NRGN: variants seen among roughly 807,000 people sequenced by gnomAD.
NRGN encodes the protein calmodulin-binding protein.
For missense variants in NRGN, 82 were observed against 123.0 expected (o/e 0.67, Z 1.58); for synonymous variants, 47 against 52.8 (o/e 0.89, Z 0.47).
rs1364959318 is a variant in NRGN, at chr11:124,740,247, G to A, written c.15+148G>A. 3.5e-6 allele frequency: 2 copies of A among 574,150 alleles called. No homozygotes were observed. Among genetic ancestry groups the A allele is most frequent in the Non-Finnish European group, 5.3e-6 (2 of 380,098 alleles). The allele number at this position is 574,150 out of a possible 1,614,324, so 35.6% of individuals were successfully genotyped here. On this transcript the variant is annotated intron_variant, in intron 1 of 3. Transcript: ENST00000284292. This position sits in a 1 kb window ranked among gnomAD's most constrained non-coding sequence, Gnocchi z 7.5. ...AGGGGTCCTTGCCGAGACGTGGGTG[G>A]TGGATGGTGGAAGGCGCCCGCCCGA...
rs1943956371 is a variant in NRGN at position 124,740,184 on chromosome 11, A to G, written c.15+85A>G. The G allele has an allele frequency of 4.1e-6, 4 of 982,258 alleles. No individual in the cohort carries two copies. The highest frequency in any genetic ancestry group is 5.4e-6 in the Non-Finnish European group (4 of 738,662). The allele number at this position is 982,258 out of a possible 1,614,324, so 60.8% of individuals were successfully genotyped here. A position where few individuals can be genotyped will look rare whatever the true frequency, so the allele number is the denominator to read the frequency against. ...GAAAGCCCTGGAGGGCGAGAGAGGG[A>G]TGGAAGTGGATGCGGAAGACCTAGG... On this transcript the variant is annotated intron_variant, in intron 1 of 3. Coordinates refer to ENST00000284292, the MANE Select transcript of NRGN (RefSeq NM_006176.3). The surrounding 1 kb of genome is among the most constrained non-coding windows in gnomAD (Gnocchi z 7.5).
At position 124,746,893 on chromosome 11, in the gene NRGN, A is replaced by T. The variant is rs867468813; in HGVS notation, c.*513A>T. On this transcript the variant is annotated 3_prime_UTR_variant, in exon 4 of 4. Transcript: ENST00000284292. ...GGATCCGGGGCGAGATGAAGGGAAGAGGGTTGTTTTGGTTTCGGACGACCC... is the reference window on the plus strand; with the variant it reads ...GGATCCGGGGCGAGATGAAGGGAAGTGGGTTGTTTTGGTTTCGGACGACCC... The T allele has an allele frequency of 9.8e-5, 15 of 152,814 alleles. No homozygotes were observed. Among genetic ancestry groups the T allele is most frequent in the African/African-American group, 3.1e-4 (13 of 41,576 alleles). The allele number at this position is 152,814 out of a possible 1,614,324, so 9.5% of individuals were successfully genotyped here.
In NRGN at chr11:124,740,012, ACCCGGCACCACACAGACCCCACCCCCG is replaced by A; in HGVS notation, c.-69_-43del. ...GGCGGCCGACTGCCCCAGAGCCCCC[ACCCGGCACCACACAGACCCCACCCCCG>A]CCCTGCGCCAGCCTTCGTCCCCGCA... On this transcript the variant is annotated 5_prime_UTR_variant, in exon 1 of 4. Transcript: ENST00000284292. This position sits in a 1 kb window ranked among gnomAD's most constrained non-coding sequence, Gnocchi z 7.5. 1 of 653,964 alleles carries A rather than the reference ACCCGGCACCACACAGACCCCACCCCCG, an allele frequency of 1.5e-6. No individual in the cohort carries two copies. The highest frequency in any genetic ancestry group is 2.3e-6 in the Non-Finnish European group (1 of 430,992). 40.5% of individuals were successfully genotyped at this position (653,964 alleles called of 1,614,324 possible).
In NRGN at chr11:124,739,982, C is replaced by A; in HGVS notation, c.-103C>A. 1 of 505,918 alleles carries A rather than the reference C, an allele frequency of 2.0e-6. No homozygotes were observed. The highest frequency in any genetic ancestry group is 4.7e-5 in the South Asian group (1 of 21,334). 31.3% of individuals were successfully genotyped at this position (505,918 alleles called of 1,614,324 possible). ...GCAGAGCTGCTGTTTCGGCGCGGGT[C>A]GGCTGGCGGCCGACTGCCCCAGAGC... On this transcript the variant is annotated 5_prime_UTR_variant, in exon 1 of 4. Coordinates refer to ENST00000284292, the MANE Select transcript of NRGN (RefSeq NM_006176.3).
At chr11:124,742,675 T>C (rs186247988) in intron 1 of NRGN, among the ~76,000 whole-genome samples, 17 of 152,306 alleles carry the variant, frequency 1.1e-4, no homozygotes, top group Admixed American at 1.1e-3. Context: ...CTTCACTATT[T>C]GTCAACTGAG....
Position 124,740,136 on chromosome 11 carries a change from G to T in NRGN, c.15+37G>T. ...GGCCCGGGGGAGGGGCACTTGGCGGGGTCCGCTGCGAGAGGCGCCTGAGAA... is the reference window on the plus strand; with the variant it reads ...GGCCCGGGGGAGGGGCACTTGGCGGTGTCCGCTGCGAGAGGCGCCTGAGAA... On this transcript the variant is annotated intron_variant, in intron 1 of 3. Transcript: ENST00000284292. The surrounding 1 kb of genome is among the most constrained non-coding windows in gnomAD (Gnocchi z 7.5). The T allele has an allele frequency of 7.6e-7, 1 of 1,313,558 alleles. No individual in the cohort carries two copies. Among genetic ancestry groups the T allele is most frequent in the Non-Finnish European group, 9.8e-7 (1 of 1,022,276 alleles). The allele number at this position is 1,313,558 out of a possible 1,614,324, so 81.4% of individuals were successfully genotyped here. A position where few individuals can be genotyped will look rare whatever the true frequency, so the allele number is the denominator to read the frequency against.
chr11:124,743,931 A>C (rs945436663), intron 1 of NRGN, among the ~76,000 whole-genome samples: 2 of 150,758 alleles, frequency 1.3e-5, no homozygotes, highest in African/African-American at 2.5e-5. Flanking sequence ...GCAAATTCCT[A>C]GAAGCCAGTG....
In NRGN at chr11:124,745,052, G is replaced by A. The variant is rs1367437840; in HGVS notation, c.16-451G>A. ...CTACTGGGGAGAGGGCTGGCGGACT[G>A]AGGCTTCTCCATCCTCTCCACGGAA... On this transcript the variant is annotated intron_variant, in intron 1 of 3. Transcript: ENST00000284292. The surrounding 1 kb of genome is among the most constrained non-coding windows in gnomAD (Gnocchi z 6.4). Among the ~76,000 whole-genome samples, 1 of 152,128 alleles carries A rather than the reference G, an allele frequency of 6.6e-6. No homozygotes were observed. The highest frequency in any genetic ancestry group is 1.5e-5 in the Non-Finnish European group (1 of 68,032).
chr11:124,741,616 C>A (rs1356749821), intron 1 of NRGN, among the ~76,000 whole-genome samples: 1 of 151,736 alleles, frequency 6.6e-6, no homozygotes, highest in Non-Finnish European at 1.5e-5. Flanking sequence ...GAGGAAGAGC[C>A]CTTCCTCCCA....
intron 1 of NRGN, among the ~76,000 whole-genome samples, chr11:124,743,902 G>GAAAAAAAAAAAAAAAAAA (rs56291708): frequency 2.5e-4 from 34 of 134,746 alleles, no homozygotes; most frequent in African/African-American, 4.9e-4. Context: ...TTCATGAAAA[G>GAAAAAAAAAAAAAAAAAA]AAAAAAAAAA....
intron 1 of NRGN, among the ~76,000 whole-genome samples, chr11:124,741,710 G>A (rs1943967427): frequency 6.6e-6 from 1 of 152,022 alleles, no homozygotes; most frequent in Non-Finnish European, 1.5e-5. Context: ...GAGGATGACA[G>A]GGGAGTATTG....
chr11:124,742,476 A>C (rs1056737040), intron 1 of NRGN, among the ~76,000 whole-genome samples: 3 of 152,168 alleles, frequency 2.0e-5, no homozygotes, highest in African/African-American at 7.2e-5. Context: ...CAAATATTGC[A>C]GTTGCTGATT....
chr11:124,745,993 C>A lies in NRGN; in HGVS notation c.*23+11C>A, dbSNP rs1389101309. Reference sequence around the variant, plus strand: ...TGAGCATTTTCAAAGGTAATGAACACGGCCCCTAGGCGGCGGGGTGGGACC... The same window carrying A: ...TGAGCATTTTCAAAGGTAATGAACAAGGCCCCTAGGCGGCGGGGTGGGACC... On this transcript the variant is annotated intron_variant, in intron 3 of 3. Coordinates refer to ENST00000284292, the MANE Select transcript of NRGN (RefSeq NM_006176.3). The surrounding 1 kb of genome is among the most constrained non-coding windows in gnomAD (Gnocchi z 6.4). 6 of 307,228 alleles carry A rather than the reference C, an allele frequency of 2.0e-5. No individual in the cohort carries two copies. Among genetic ancestry groups the A allele is most frequent in the Non-Finnish European group, 3.0e-5 (5 of 167,382 alleles). The allele number at this position is 307,228 out of a possible 1,614,324, so 19.0% of individuals were successfully genotyped here. A position where few individuals can be genotyped will look rare whatever the true frequency, so the allele number is the denominator to read the frequency against.
rs1329658985 is a variant in NRGN, at chr11:124,746,635, A to G, written c.*255A>G. ...CTTCCACTCCACCCCACCCTAAACC[A>G]TGCGCTCCCAATCTTCCTTCTTTTG... On this transcript the variant is annotated 3_prime_UTR_variant, in exon 4 of 4. Transcript: ENST00000284292. The G allele has an allele frequency of 6.6e-6, 1 of 152,570 alleles. No homozygotes were observed. Among genetic ancestry groups the G allele is most frequent in the Non-Finnish European group, 1.5e-5 (1 of 68,164 alleles). The allele number at this position is 152,570 out of a possible 1,614,324, so 9.5% of individuals were successfully genotyped here.
chr11:124,745,521 C>A lies in NRGN; in HGVS notation c.34C>A (p.Pro12Thr). ...CCCCCAGGAGAACGCCTGCTCCAAG[C>A]CGGACGACGACATTCTAGACATCCC... is the stretch of plus-strand genomic sequence containing the variant. Reference protein sequence around the residue: ...DCCTENACSKPDDDILDIPLD... With the variant: ...DCCTENACSKTDDDILDIPLD... The change falls in exon 2 of 4, where the codon CCG becomes ACG. Residue 12 changes from proline to threonine, a missense_variant. By Grantham distance (38) the Pro-to-Thr change is conservative. Coordinates refer to ENST00000284292, the MANE Select transcript of NRGN (RefSeq NM_006176.3). The surrounding 1 kb of genome is among the most constrained non-coding windows in gnomAD (Gnocchi z 6.4). 1 of 1,597,424 alleles carries A rather than the reference C, an allele frequency of 6.3e-7. No homozygotes were observed.
chr11:124,743,324 G>A lies in NRGN; in HGVS notation c.16-2179G>A, dbSNP rs528895773. On this transcript the variant is annotated intron_variant, in intron 1 of 3. Coordinates refer to ENST00000284292, the MANE Select transcript of NRGN (RefSeq NM_006176.3). The stretch of plus-strand genomic sequence containing the variant: ...AACCTTCCCACTCCTCCACAGCTGC[G>A]AGGCCAAGGAGGAAAGGTAGGTCAG... Among the ~76,000 whole-genome samples the A allele has an allele frequency of 2.0e-5, 3 of 152,320 alleles. No homozygotes were observed. In the South Asian group the frequency reaches 6.2e-4, roughly 32 times the overall value.
Position 124,745,715 on chromosome 11 carries a change from C to T in NRGN, c.228C>T (p.Ser76=). ...GGGGAGGCGCGGGCGGCGGCCCCAG[C>T]GGAGACTAGGCCAGGTGAGGCGGGC... ...VARGGAGGGP[S]GD The change falls in exon 2 of 4, where the codon AGC becomes AGT. Residue 76 remains serine (S), a synonymous_variant. Coordinates refer to ENST00000284292, the MANE Select transcript of NRGN (RefSeq NM_006176.3). The surrounding 1 kb of genome is among the most constrained non-coding windows in gnomAD (Gnocchi z 6.4). 1 of 1,382,052 alleles carries T rather than the reference C, an allele frequency of 7.2e-7. No individual in the cohort carries two copies. Among genetic ancestry groups the T allele is most frequent in the Non-Finnish European group, 9.3e-7 (1 of 1,073,232 alleles). The allele number at this position is 1,382,052 out of a possible 1,614,324, so 85.6% of individuals were successfully genotyped here.
Position 124,745,118 on chromosome 11 carries a change from C to A in NRGN, c.16-385C>A, listed in dbSNP as rs1012698536. On this transcript the variant is annotated intron_variant, in intron 1 of 3. Coordinates refer to ENST00000284292, the MANE Select transcript of NRGN (RefSeq NM_006176.3). This position sits in a 1 kb window ranked among gnomAD's most constrained non-coding sequence, Gnocchi z 6.4. ...CTGGGTCCTTCTGAGCTGGAGGTAC[C>A]CTCTGAGAGCAGGGGGACAGGCGGC... Among the ~76,000 whole-genome samples the A allele has an allele frequency of 2.0e-5, 3 of 152,128 alleles. No individual in the cohort carries two copies. The highest frequency in any genetic ancestry group is 7.2e-5 in the African/African-American group (3 of 41,412).
Position 124,745,485 on chromosome 11 carries a change from C to A in NRGN, c.16-18C>A, listed in dbSNP as rs778497656. 9.3e-5 allele frequency: 145 copies of A among 1,557,224 alleles called. No individual in the cohort carries two copies. Among genetic ancestry groups the A allele is most frequent in the Non-Finnish European group, 1.2e-4 (138 of 1,152,308 alleles). On this transcript the variant is annotated intron_variant, in intron 1 of 3. Coordinates refer to ENST00000284292, the MANE Select transcript of NRGN (RefSeq NM_006176.3). This position sits in a 1 kb window ranked among gnomAD's most constrained non-coding sequence, Gnocchi z 6.4. ...AAGACCCAGTGACCCCACAAGAACC[C>A]CCCTGCTTCGCCCCCAGGAGAACGC...
Sources: gnomAD v4.1 joint callset for allele counts (sites outside exome capture counted in the v4.1 genomes callset) on GRCh38, gnomAD v4.1.1 for gene constraint, Gnocchi (gnomAD v3.1) non-coding constraint, MANE v1.5 for transcripts, NCBI Gene and HGNC (gene_info 2026-07-23, HGNC 2026-07-21) for gene names.